UNC13B: variants seen among roughly 807,000 people sequenced by gnomAD.
UNC13B encodes the protein protein unc-13 homolog B.
In UNC13B, 144 loss-of-function variants were observed where a neutral mutation model predicts 211.0. The ratio of observed to expected loss-of-function variants is 0.68; its 90% CI spans 0.60 to 0.78. The LOEUF is 0.78. Among genes scored for constraint, UNC13B ranks in the 30% least tolerant of loss-of-function variants. The pLI is 0.00. For missense variants in UNC13B, 1,777 were observed against 2,002.0 expected (o/e 0.89, Z 2.14); for synonymous variants, 709 against 725.8 (o/e 0.98, Z 0.37).
At chr9:35,385,537 G>T in intron 22 of UNC13B, 187 bp from the exon 23 acceptor site, 2 of 985,362 alleles carry the variant, frequency 2.0e-6, no homozygotes, top group Non-Finnish European at 2.4e-6. Flanking sequence ...CCTGCTTTTG[G>T]CAAGAGCCTG....
At chr9:35,385,387 G>A (rs952341926) in intron 22 of UNC13B, 1 of 985,286 alleles carries the variant, frequency 1.0e-6, no homozygotes, top group African/African-American at 1.7e-5. Flanking sequence ...CTGTTGGTGT[G>A]TAAGAATCTT....
chr9:35,232,177 C>T (rs201742770), intron 3 of UNC13B, among the ~76,000 whole-genome samples: 53 of 31,536 alleles, frequency 1.7e-3, no homozygotes, highest in South Asian at 7.7e-3. Context: ...TATATTGCTG[C>T]TTTTTTTTTT....
Position 35,399,250 on chromosome 9 carries a change from G to T in UNC13B, c.12164G>T (p.Arg4055Met). ...LWRVVMNTMERMIVLPPLTDQ... is the reference protein window; with the variant it reads ...LWRVVMNTMEMMIVLPPLTDQ... ...CGCGTGGTGATGAACACAATGGAGA[G>T]GATGATTGTTCTGCCCCCACTCACT... Residue 4055 changes from arginine to methionine, a missense_variant, in exon 34 of 40, where the codon AGG becomes ATG. Physicochemically the swap from Arg to Met is moderately conservative, Grantham distance 91. Coordinates refer to ENST00000635942, the MANE Select transcript of UNC13B (RefSeq NM_001371189.2). The T allele has an allele frequency of 6.2e-7, 1 of 1,614,152 alleles. No individual in the cohort carries two copies. The highest frequency in any genetic ancestry group is 8.5e-7 in the Non-Finnish European group (1 of 1,180,020).
chr9:35,175,883 A>G (rs955900424), intron 1 of UNC13B, among the ~76,000 whole-genome samples: 7 of 149,214 alleles, frequency 4.7e-5, no homozygotes, highest in African/African-American at 2.5e-5. Flanking sequence ...AAAATTAGCC[A>G]GACATTGTGC....
intron 1 of UNC13B, among the ~76,000 whole-genome samples, chr9:35,167,397 A>C (rs2131242076): frequency 6.6e-6 from 1 of 152,200 alleles, no homozygotes; most frequent in Middle Eastern, 3.4e-3. Flanking sequence ...ATGGCCCGAG[A>C]TAATTCTTCT....
At chr9:35,375,339 A>T (rs1245846259) in intron 14 of UNC13B, 138 bp downstream of exon 14, 4 of 917,592 alleles carry the variant, frequency 4.4e-6, no homozygotes, top group Non-Finnish European at 6.9e-6. Context: ...GATAGATAGC[A>T]TCAGGTGTTA....
In UNC13B at chr9:35,398,559, C is replaced by T. The variant is rs1025016080; in HGVS notation, c.11838C>T (p.Asp3946=). The T allele has an allele frequency of 1.9e-6, 3 of 1,613,706 alleles. No homozygotes were observed. Among genetic ancestry groups the T allele is most frequent in the Admixed American group, 1.7e-5 (1 of 59,974 alleles). ...MFEAMGGKEL[D]LEAADSLKEL... ...CTTACCTCCTGTGAATACAGCTGGA[C>T]CTTGAAGCTGCAGACAGTCTGAAGG... Residue 3946 remains aspartate, a synonymous_variant, in exon 32 of 40, where the codon GAC becomes GAT. Coordinates refer to ENST00000635942, the MANE Select transcript of UNC13B (RefSeq NM_001371189.2).
At chr9:35,315,970 A>G (rs1052112689) in intron 11 of UNC13B, among the ~76,000 whole-genome samples, 1 of 152,186 alleles carries the variant, frequency 6.6e-6, no homozygotes, top group Non-Finnish European at 1.5e-5. Flanking sequence ...AACATGTCCT[A>G]CCATTTATAA....
rs985559183 is a variant in UNC13B at position 35,291,151 on chromosome 9, A to C, written c.527-4545A>C. 6 of 1,522,338 alleles carry C rather than the reference A, an allele frequency of 3.9e-6. No individual in the cohort carries two copies. The Admixed American group carries it at 5.9e-5, about 15-fold the overall frequency. 94.3% of individuals were successfully genotyped at this position (1,522,338 alleles called of 1,614,324 possible). ...TTATCATTTTCTTGATCTTACCCAC[A>C]AAGTACATACTCCCTCTGAACTGTG... On this transcript the variant is annotated intron_variant, in intron 7 of 39. Transcript: ENST00000635942.
rs190339076 is a variant in UNC13B at position 35,325,306 on chromosome 9, G to C, written c.9414+11317G>C. 2.0e-5 allele frequency among the ~76,000 whole-genome samples: 3 copies of C among 152,254 alleles called. No homozygotes were observed. The East Asian group carries it at 5.8e-4, about 29-fold the overall frequency. On this transcript the variant is annotated intron_variant, in intron 11 of 39. Coordinates refer to ENST00000635942, the MANE Select transcript of UNC13B (RefSeq NM_001371189.2). ...CCTAAAAATCTCTAGAAAAGGAGAG[G>C]TCCATACCCATTCTCGCCTATTCTC...
At position 35,235,022 on chromosome 9, in the gene UNC13B, C is replaced by T. The variant is rs151227837; in HGVS notation, c.153-1447C>T. Among the ~76,000 whole-genome samples the T allele has an allele frequency of 2.4e-4, 36 of 152,232 alleles. No individual in the cohort carries two copies. The South Asian group carries it at 2.7e-3, about 11-fold the overall frequency. ...TTTCTTGGATTACCCCTCAAGTAAC[C>T]TTGTGTTTCAATAAGAGCTTTCTGG... is the stretch of plus-strand genomic sequence containing the variant. On this transcript the variant is annotated intron_variant, in intron 3 of 39. Transcript: ENST00000635942.
At chr9:35,252,884 T>C (rs1587472760) in intron 6 of UNC13B, among the ~76,000 whole-genome samples, 5 of 151,984 alleles carry the variant, frequency 3.3e-5, no homozygotes, top group African/African-American at 1.2e-4. Context: ...GAGCTGAGAT[T>C]GCACCACTGC....
chr9:35,258,419 A>G (rs1466075910), intron 6 of UNC13B, among the ~76,000 whole-genome samples: 1 of 152,084 alleles, frequency 6.6e-6, no homozygotes, highest in Non-Finnish European at 1.5e-5. Context: ...AGTACCGTGT[A>G]CTTGTTTTTG....
chr9:35,375,289 G>A, intron 14 of UNC13B, 88 bp downstream of exon 14: 1 of 1,417,510 alleles, frequency 7.1e-7, no homozygotes, highest in Non-Finnish European at 1.0e-6. Flanking sequence ...TGGGAATTCT[G>A]GGAATTCAAG....
At chr9:35,231,050 C>T (rs10972390) in intron 2 of UNC13B, 70 bp from the exon 3 acceptor site, 157,054 of 1,034,918 alleles carry the variant, frequency 0.15, 13,559 homozygotes, top group Admixed American at 0.31. Flanking sequence ...TGCTTAATTC[C>T]AAGGGCTTTG....
At chr9:35,196,583 A>G (rs1822954709) in intron 1 of UNC13B, among the ~76,000 whole-genome samples, 1 of 152,012 alleles carries the variant, frequency 6.6e-6, no homozygotes, top group African/African-American at 2.4e-5. Context: ...TTTATCCCGG[A>G]CTTCCAGGGT....
chr9:35,179,526 C>T (rs908053328), intron 1 of UNC13B, among the ~76,000 whole-genome samples: 2 of 152,096 alleles, frequency 1.3e-5, no homozygotes, highest in African/African-American at 2.4e-5. Context: ...TGCAGTGGCT[C>T]GCTCCTGTAA....
intron 7 of UNC13B, among the ~76,000 whole-genome samples, chr9:35,260,038 CAA>C (rs61273217): frequency 1.5e-5 from 1 of 64,802 alleles, no homozygotes; most frequent in Non-Finnish European, 2.5e-5. Flanking sequence ...CTCATTTCTA[CAA>C]AAAAAAAAAA....
intron 26 of UNC13B, among the ~76,000 whole-genome samples, chr9:35,394,902 G>T (rs189314593): frequency 6.6e-6 from 1 of 152,260 alleles, no homozygotes; most frequent in East Asian, 1.9e-4. Context: ...TAGGGATAGG[G>T]GCCAGAGTGC....
Sources: gnomAD v4.1 joint callset for allele counts (sites outside exome capture counted in the v4.1 genomes callset) on GRCh38, gnomAD v4.1.1 for gene constraint, MANE v1.5 for transcripts, NCBI Gene and HGNC (gene_info 2026-07-23, HGNC 2026-07-21) for gene names.